SMYD3: variants seen among roughly 807,000 people sequenced by gnomAD.
The protein encoded by SMYD3 is SET and MYND domain containing 3.
A neutral mutation model predicts 57.7 loss-of-function variants in SMYD3; 36 were observed. The observed-to-expected ratio is 0.62, with a 90% CI of 0.48 to 0.82. The LOEUF is 0.82. Among genes scored for constraint, SMYD3 ranks in the 40% least tolerant of loss-of-function variants. SMYD3 has a pLI of 0.00. For missense variants in SMYD3, 515 were observed against 538.8 expected (o/e 0.96, Z 0.44); for synonymous variants, 211 against 195.0 (o/e 1.08, Z -0.68).
chr1:246,300,911 A>G (rs1250639891), intron 5 of SMYD3, among the ~76,000 whole-genome samples: 2 of 152,194 alleles, frequency 1.3e-5, no homozygotes, highest in African/African-American at 4.8e-5. Flanking sequence ...CAAGCAAAAT[A>G]GAAACAAGGG....
intron 1 of SMYD3, among the ~76,000 whole-genome samples, chr1:246,424,918 ATTATACT>A (rs1337032767): frequency 6.6e-6 from 1 of 152,208 alleles, no homozygotes; most frequent in African/African-American, 2.4e-5. Flanking sequence ...CAAAAATGTA[ATTATACT>A]TTATATAATT....
chr1:246,245,050 T>C (rs2063676815), intron 5 of SMYD3, among the ~76,000 whole-genome samples: 1 of 151,208 alleles, frequency 6.6e-6, no homozygotes, highest in South Asian at 2.1e-4. Context: ...TTTTCATAAA[T>C]TCCACTACGG....
chr1:245,784,621 C>T (rs2046960790), intron 10 of SMYD3, among the ~76,000 whole-genome samples: 1 of 152,120 alleles, frequency 6.6e-6, no homozygotes, highest in Non-Finnish European at 1.5e-5. Flanking sequence ...TAAGTGGCCT[C>T]TCCTTTTAGG....
intron 1 of SMYD3, among the ~76,000 whole-genome samples, chr1:246,391,414 G>A (rs982004686): frequency 4.9e-4 from 34 of 68,860 alleles, no homozygotes; most frequent in African/African-American, 2.3e-3. Context: ...GAGAAAGAGA[G>A]AGAAAAAGAG....
chr1:245,811,846 A>G (rs2048487371), intron 10 of SMYD3, among the ~76,000 whole-genome samples: 1 of 152,216 alleles, frequency 6.6e-6, no homozygotes, highest in African/African-American at 2.4e-5. Flanking sequence ...TACTGATGAT[A>G]TAAACTGAGG....
intron 5 of SMYD3, among the ~76,000 whole-genome samples, chr1:246,241,253 A>T (rs56194976): frequency 0.21 from 31,538 of 152,086 alleles, 3,980 homozygotes; most frequent in East Asian, 0.58. Context: ...CTTATTATTT[A>T]GAGATACGTC....
At chr1:246,237,257 C>T (rs2063528303) in intron 5 of SMYD3, among the ~76,000 whole-genome samples, 1 of 152,174 alleles carries the variant, frequency 6.6e-6, no homozygotes, top group South Asian at 2.1e-4. Flanking sequence ...ACTATGCCTG[C>T]TGCTCAAGGC....
intron 5 of SMYD3, among the ~76,000 whole-genome samples, chr1:246,301,995 CAG>C (rs1183146784): frequency 6.6e-6 from 1 of 152,124 alleles, no homozygotes; most frequent in Non-Finnish European, 1.5e-5. Context: ...TTCCTTGGAA[CAG>C]ACTCCCAGGG....
At chr1:246,337,397 A>AT (rs1203097038) in intron 2 of SMYD3, among the ~76,000 whole-genome samples, 3 of 151,960 alleles carry the variant, frequency 2.0e-5, no homozygotes, top group Admixed American at 6.6e-5. Flanking sequence ...ATATCTATAT[A>AT]TTTTTTTTCA....
chr1:246,501,229 G>A (rs1366293172), intron 1 of SMYD3, among the ~76,000 whole-genome samples: 2 of 152,158 alleles, frequency 1.3e-5, no homozygotes, highest in Non-Finnish European at 2.9e-5. Context: ...TTTCACAGAG[G>A]TAAGTGCTTC....
chr1:246,366,672 G>C (rs146058163), intron 1 of SMYD3, among the ~76,000 whole-genome samples: 2 of 151,912 alleles, frequency 1.3e-5, no homozygotes, highest in African/African-American at 2.4e-5. Flanking sequence ...GGCCAGGCAC[G>C]GTAGCTCACG....
chr1:245,931,215 G>C (rs2056696649), intron 5 of SMYD3, among the ~76,000 whole-genome samples: 2 of 152,194 alleles, frequency 1.3e-5, no homozygotes, highest in Admixed American at 1.3e-4. Context: ...TCTGGCTGTT[G>C]TGTAGAGAAT....
At chr1:245,977,293 C>T (rs1485827645) in intron 5 of SMYD3, among the ~76,000 whole-genome samples, 1 of 152,208 alleles carries the variant, frequency 6.6e-6, no homozygotes, top group East Asian at 1.9e-4. Context: ...CAGCCTCTAC[C>T]ACACAACAGC....
intron 5 of SMYD3, among the ~76,000 whole-genome samples, chr1:246,233,980 A>G (rs1426367679): frequency 7.2e-6 from 1 of 139,714 alleles, no homozygotes. Flanking sequence ...GCACTCCTTC[A>G]ATTCACACTG....
intron 1 of SMYD3, among the ~76,000 whole-genome samples, chr1:246,429,145 A>G (rs958699525): frequency 6.6e-6 from 1 of 151,420 alleles, no homozygotes; most frequent in Non-Finnish European, 1.5e-5. Flanking sequence ...CCACAGGTAC[A>G]GTAATAAGGG....
At chr1:245,926,584 C>T (rs1391566397) in intron 7 of SMYD3, among the ~76,000 whole-genome samples, 1 of 152,116 alleles carries the variant, frequency 6.6e-6, no homozygotes, top group African/African-American at 2.4e-5. Context: ...GAAAGCAGCA[C>T]CTAAAGACAA....
chr1:246,429,612 G>A lies in SMYD3; in HGVS notation c.165-74518C>T, dbSNP rs563159926. 1.7e-4 allele frequency among the ~76,000 whole-genome samples: 26 copies of A among 152,304 alleles called. No homozygotes were observed. In the South Asian group the frequency reaches 4.6e-3, roughly 27 times the overall value. On this transcript the variant is annotated intron_variant, in intron 1 of 11. Transcript: ENST00000490107. The stretch of plus-strand genomic sequence containing the variant: ...AAATGAAACAGCAATCAACCCTGCT[G>A]TGTTCCCAGAACTTAAGATGAAAGA...
At chr1:246,481,607 T>TATATATATATACACAC (rs1156393004) in intron 1 of SMYD3, among the ~76,000 whole-genome samples, 1 of 61,978 alleles carries the variant, frequency 1.6e-5, no homozygotes, top group African/African-American at 4.9e-5. Flanking sequence ...TATATATATA[T>TATATATATATACACAC]ACACATACAT....
At chr1:246,144,201 G>C (rs137999305) in intron 5 of SMYD3, among the ~76,000 whole-genome samples, 45 of 152,264 alleles carry the variant, frequency 3.0e-4, no homozygotes, top group African/African-American at 1.1e-3. Flanking sequence ...CCATGTCCCT[G>C]GCACTCTTCA....
Sources: allele counts gnomAD v4.1 joint callset (sites outside exome capture counted in the v4.1 genomes callset), GRCh38; gene constraint gnomAD v4.1.1; transcripts MANE v1.5; gene names NCBI Gene and HGNC (gene_info 2026-07-23, HGNC 2026-07-21).